Variants in NOD2 observed in about 807,000 individuals in gnomAD.
The protein encoded by NOD2 is nucleotide binding oligomerization domain containing 2.
NOD2 carries 86 observed loss-of-function variants against 90.9 expected under a neutral mutation model. The ratio of observed to expected loss-of-function variants is 0.95; its 90% CI spans 0.79 to 1.13. NOD2 has a LOEUF of 1.13. Among genes scored for constraint, NOD2 ranks in the 50% most tolerant of loss-of-function variants. The pLI is 0.00. For synonymous variants in NOD2, 581 were observed against 554.6 expected, an observed-to-expected ratio of 1.05 and a Z score of -0.67; for missense variants, 1,238 against 1,283.8, an observed-to-expected ratio of 0.96 and a Z score of 0.55.
chr16:50,694,809 T>C (rs1199232761), intron 1 of NOD2, among the ~76,000 whole-genome samples: 1 of 152,080 alleles, frequency 6.6e-6, no homozygotes, highest in Non-Finnish European at 1.5e-5. Flanking sequence ...CCCCCTGCCC[T>C]CATGGAGTGC....
chr16:50,718,132 C>A (rs1220698968), intron 6 of NOD2, among the ~76,000 whole-genome samples: 2 of 152,222 alleles, frequency 1.3e-5, no homozygotes, highest in East Asian at 3.8e-4. Flanking sequence ...ACTGTACTCA[C>A]CCTTCTTCTT....
In NOD2 at chr16:50,697,273, C is replaced by T. The variant is rs781482576; in HGVS notation, c.-8-2215C>T. ...GGGAAGAGGGTGGTTCAGCCTCTCA[C>T]GATGAGGAGGAAAGAGCAAGTGTCC... On this transcript the variant is annotated intron_variant, in intron 1 of 11. Coordinates refer to ENST00000647318, the MANE Select transcript of NOD2 (RefSeq NM_001370466.1). 5.1e-6 allele frequency: 8 copies of T among 1,560,176 alleles called. No homozygotes were observed. The highest frequency in any genetic ancestry group is 4.8e-5 in the East Asian group (2 of 41,704).
chr16:50,704,730 C>A (rs1964107852), intron 2 of NOD2, among the ~76,000 whole-genome samples: 1 of 152,116 alleles, frequency 6.6e-6, no homozygotes, highest in Non-Finnish European at 1.5e-5. Flanking sequence ...GTTGGCCAGG[C>A]TGGTCTTGAA....
At chr16:50,714,723 T>A (rs947062088) in intron 4 of NOD2, among the ~76,000 whole-genome samples, 29 of 151,468 alleles carry the variant, frequency 1.9e-4, no homozygotes, top group Non-Finnish European at 3.7e-4. Flanking sequence ...AGTGCCAACC[T>A]GCCTCTCTCC....
intron 4 of NOD2, among the ~76,000 whole-genome samples, chr16:50,715,152 C>T (rs142969988): frequency 1.7e-4 from 26 of 152,304 alleles, no homozygotes; most frequent in Admixed American, 5.9e-4. Context: ...GGAGCCAAGC[C>T]GCCTAGGCTC....
chr16:50,715,767 A>G (rs1964765650), intron 4 of NOD2: 1 of 152,246 alleles, frequency 6.6e-6, no homozygotes. Flanking sequence ...TAAGTCGCTG[A>G]TCAGGATCAC....
chr16:50,729,838 C>T lies in NOD2; in HGVS notation c.2906C>T (p.Thr969Ile), dbSNP rs1567407613. Residue 969 changes from threonine (T) to isoleucine (I), a missense_variant, in exon 11 of 12, where the codon ACC (threonine) becomes ATC (isoleucine). Physicochemically the swap from Thr to Ile is moderately conservative, Grantham distance 89. Around this residue, in one of 3 missense-constraint regions of NOD2, gnomAD observed 667 missense variants for 688.7 expected, o/e 0.97. Coordinates refer to ENST00000647318, the MANE Select transcript of NOD2 (RefSeq NM_001370466.1). ...KILKLSNNCITYLGAEALLQA... is the reference protein window; with the variant it reads ...KILKLSNNCIIYLGAEALLQA... Reference sequence around the variant, plus strand: ...TCCAGGTTGTCCAATAACTGCATCACCTACCTAGGGGCAGAAGCCCTCCTG... The same window carrying T: ...TCCAGGTTGTCCAATAACTGCATCATCTACCTAGGGGCAGAAGCCCTCCTG... 3 of 1,612,982 alleles carry T rather than the reference C, an allele frequency of 1.9e-6. No individual in the cohort carries two copies. Among genetic ancestry groups the T allele is most frequent in the Non-Finnish European group, 2.5e-6 (3 of 1,179,144 alleles).
chr16:50,697,535 G>A (rs980353033), intron 1 of NOD2: 56 of 642,658 alleles, frequency 8.7e-5, no homozygotes, highest in Non-Finnish European at 1.4e-5. Flanking sequence ...TTCCACAGCT[G>A]AGAACCACTC....
chr16:50,704,809 C>T (rs148452508), intron 2 of NOD2, among the ~76,000 whole-genome samples: 3 of 152,222 alleles, frequency 2.0e-5, no homozygotes, highest in East Asian at 3.9e-4. Flanking sequence ...TGAGCCACCA[C>T]ACCCAGCCTC....
At chr16:50,722,805 C>G (rs184101811) in intron 8 of NOD2, 100 bp downstream of exon 8, 2 of 1,088,660 alleles carry the variant, frequency 1.8e-6, no homozygotes, top group Non-Finnish European at 2.9e-6. Flanking sequence ...ATTTCTACCC[C>G]ACAATGTTAG....
chr16:50,705,400 T>C (rs1170603739), intron 2 of NOD2, among the ~76,000 whole-genome samples: 1 of 152,222 alleles, frequency 6.6e-6, no homozygotes, highest in Non-Finnish European at 1.5e-5. Flanking sequence ...TTCTCTGGGC[T>C]CATGATACTC....
rs1292392033 is a variant in NOD2 at position 50,699,623 on chromosome 16, A to G, written c.128A>G (p.Asp43Gly). The G allele has an allele frequency of 6.2e-7, 1 of 1,613,864 alleles. No individual in the cohort carries two copies. The highest frequency in any genetic ancestry group is 8.5e-7 in the Non-Finnish European group (1 of 1,180,012). The change falls in exon 2 of 12, where the codon GAC (aspartate) becomes GGC (glycine). Residue 43 changes from aspartate to glycine, a missense_variant. Around this residue, in one of 3 missense-constraint regions of NOD2, gnomAD observed 567 missense variants for 577.3 expected, o/e 0.98. Transcript: ENST00000647318. ...TCCTGGGAGGTCCTCTCCTGGGAGGACTACGAGGGCTTCCACCTCCTGGGC... is the reference window on the plus strand; with the variant it reads ...TCCTGGGAGGTCCTCTCCTGGGAGGGCTACGAGGGCTTCCACCTCCTGGGC... ...LLSWEVLSWE[D>G]YEGFHLLGQP...
intron 9 of NOD2, among the ~76,000 whole-genome samples, chr16:50,725,066 A>G (rs893441506): frequency 4.1e-4 from 63 of 152,190 alleles, no homozygotes; most frequent in Admixed American, 4.1e-3. Flanking sequence ...TTTAAAAAGC[A>G]TTCCTGGAAG....
At chr16:50,722,951 G>C (rs1379957660) in intron 8 of NOD2, among the ~76,000 whole-genome samples, 1 of 152,054 alleles carries the variant, frequency 6.6e-6, no homozygotes, top group African/African-American at 2.4e-5. Context: ...GGCTGGATCA[G>C]GTACATTTTA....
chr16:50,722,887 A>C (rs1567403810), intron 8 of NOD2, among the ~76,000 whole-genome samples, 182 bp downstream of exon 8: 1 of 152,180 alleles, frequency 6.6e-6, no homozygotes, highest in Non-Finnish European at 1.5e-5. Flanking sequence ...TGACTTGGAA[A>C]TGTCCCTTGT....
rs1375476952 is a variant in NOD2 at position 50,732,016 on chromosome 16, T to C, written c.*197T>C. The C allele has an allele frequency of 1.6e-6, 1 of 611,092 alleles. No individual in the cohort carries two copies. The highest frequency in any genetic ancestry group is 3.0e-6 in the Non-Finnish European group (1 of 337,254). The allele number at this position is 611,092 out of a possible 1,614,324, so 37.9% of individuals were successfully genotyped here. A position where few individuals can be genotyped will look rare whatever the true frequency, so the allele number is the denominator to read the frequency against. The stretch of plus-strand genomic sequence containing the variant: ...AGCATCAGTGCCCTCCAGGATAGAC[T>C]TTTCCCAAGCCTACTTTTGCCATTG... On this transcript the variant is annotated 3_prime_UTR_variant, in exon 12 of 12. Transcript: ENST00000647318.
chr16:50,722,690 G>A lies in NOD2; in HGVS notation c.2702G>A (p.Ser901Asn), dbSNP rs772064514. The change falls in exon 8 of 12, where the codon AGC becomes AAC. Residue 901 changes from serine (S) to asparagine (N), a missense_variant. This residue lies in a region of NOD2 where 667 missense variants were observed against 688.7 expected (regional missense o/e 0.97). Coordinates refer to ENST00000647318, the MANE Select transcript of NOD2 (RefSeq NM_001370466.1). ...GCTGAAGCCTTGGGTGATCACCAGA[G>A]CTTGAGGTGGCTCAGGTAAGCTTCA... Reference protein sequence around the residue: ...ALAEALGDHQSLRWLSLVGNN... With the variant: ...ALAEALGDHQNLRWLSLVGNN... The A allele has an allele frequency of 1.2e-6, 2 of 1,614,254 alleles. No homozygotes were observed. The highest frequency in any genetic ancestry group is 1.7e-6 in the Non-Finnish European group (2 of 1,180,036).
At chr16:50,693,935 A>T (rs1372777139) in intron 1 of NOD2, among the ~76,000 whole-genome samples, 4 of 151,314 alleles carry the variant, frequency 2.6e-5, no homozygotes, top group African/African-American at 9.8e-5. Flanking sequence ...CATGCCAGTG[A>T]GTGGGTGGGT....
chr16:50,723,114 C>A (rs1596901834), intron 8 of NOD2, among the ~76,000 whole-genome samples, 187 bp from the exon 9 acceptor site: 2 of 106,804 alleles, frequency 1.9e-5, no homozygotes, highest in East Asian at 2.6e-4. Context: ...GCACTGCATT[C>A]AATTAGTGAT....
Sources: gnomAD v4.1 joint callset for allele counts (sites outside exome capture counted in the v4.1 genomes callset) on GRCh38, gnomAD v4.1.1 for gene constraint, gnomAD v4.1.1 regional missense constraint, MANE v1.5 for transcripts, NCBI Gene and HGNC (gene_info 2026-07-23, HGNC 2026-07-21) for gene names.